ADAM32: variants seen among roughly 807,000 people sequenced by gnomAD.
ADAM32 encodes disintegrin and metalloproteinase domain-containing protein 32.
A neutral mutation model predicts 114.9 loss-of-function variants in ADAM32; 89 were observed. That is an observed-to-expected ratio of 0.77 (90% CI 0.65 to 0.92). The LOEUF (loss-of-function observed/expected upper bound fraction) is 0.92, where lower values mean the gene tolerates loss of function less well. Among genes scored for constraint, ADAM32 ranks in the 40% least tolerant of loss-of-function variants. ADAM32 has a pLI of 0.00. For synonymous variants in ADAM32, 285 were observed against 307.5 expected, an observed-to-expected ratio of 0.93 and a Z score of 0.77; for missense variants, 870 against 932.8, an observed-to-expected ratio of 0.93 and a Z score of 0.88.
chr8:39,149,042 G>A (rs1368954496), intron 4 of ADAM32, among the ~76,000 whole-genome samples: 1 of 152,054 alleles, frequency 6.6e-6, no homozygotes, highest in Non-Finnish European at 1.5e-5. Context: ...AAAGTTTTTA[G>A]GTATAGTATT....
chr8:39,201,680 A>C lies in ADAM32; in HGVS notation c.1053-9464A>C, dbSNP rs556573621. Among the ~76,000 whole-genome samples, 85 of 152,254 alleles carry C rather than the reference A, an allele frequency of 5.6e-4. 2 individuals carry two copies. In the South Asian group the frequency reaches 0.016, roughly 29 times the overall value. On this transcript the variant is annotated intron_variant, in intron 11 of 24. Transcript: ENST00000379907. The stretch of plus-strand genomic sequence containing the variant: ...CAACAGTATGTTGAATACGAGTGGT[A>C]AGAGAGGGCATCCCTGTCTTGTGGC...
intron 11 of ADAM32, among the ~76,000 whole-genome samples, chr8:39,189,173 A>G (rs1003453353): frequency 1.3e-5 from 2 of 152,174 alleles, no homozygotes; most frequent in Admixed American, 6.5e-5. Context: ...GTAGATAGGC[A>G]TTATCCCTAT....
At chr8:39,212,173 T>A (rs560700913) in intron 12 of ADAM32, among the ~76,000 whole-genome samples, 1 of 152,142 alleles carries the variant, frequency 6.6e-6, no homozygotes, top group East Asian at 1.9e-4. Context: ...CCTGCCATCA[T>A]GCCTGGCTAA....
At chr8:39,189,449 G>C (rs1345651904) in intron 11 of ADAM32, among the ~76,000 whole-genome samples, 1 of 152,072 alleles carries the variant, frequency 6.6e-6, no homozygotes, top group East Asian at 1.9e-4. Context: ...GGGTAAAACT[G>C]TGTCTAAATG....
At chr8:39,156,283 G>T (rs1804145097) in intron 6 of ADAM32, among the ~76,000 whole-genome samples, 2 of 152,050 alleles carry the variant, frequency 1.3e-5, no homozygotes. Context: ...AATTAGCTGG[G>T]ACCACAGGCA....
At chr8:39,283,501 GAAATTGCCATAAC>G in intron 23 of ADAM32, 72 bp from the exon 24 acceptor site, 1 of 1,046,234 alleles carries the variant, frequency 9.6e-7, no homozygotes, top group Non-Finnish European at 1.3e-6. Context: ...GAAAGAGGAA[GAAATTGCCATAAC>G]AAATAAATAC....
chr8:39,272,428 T>C (rs1375203509), intron 20 of ADAM32, among the ~76,000 whole-genome samples: 2 of 152,184 alleles, frequency 1.3e-5, no homozygotes, highest in Non-Finnish European at 2.9e-5. Context: ...CAGAGTGTAC[T>C]TAAAAAAACC....
intron 19 of ADAM32, among the ~76,000 whole-genome samples, chr8:39,264,601 G>C (rs1359022707): frequency 6.6e-6 from 1 of 152,012 alleles, no homozygotes; most frequent in African/African-American, 2.4e-5. Flanking sequence ...TTTGGGGTTG[G>C]TTTGCTCTTG....
At chr8:39,124,898 C>T (rs1171541284) in intron 2 of ADAM32, among the ~76,000 whole-genome samples, 1 of 152,096 alleles carries the variant, frequency 6.6e-6, no homozygotes, top group Non-Finnish European at 1.5e-5. Flanking sequence ...GTATTTCTGC[C>T]TCTAGGTCTT....
Position 39,211,279 on chromosome 8 carries a change from T to C in ADAM32, c.1188T>C (p.Asn396=). ...AATCTCCGAAACCAGTCTGTGGCAA[T>C]GGCAGATTGGAGGGAAATGAAATCT... ...QKKSPKPVCG[N]GRLEGNEICD... The change falls in exon 12 of 25, where the codon AAT becomes AAC. Residue 396 remains asparagine, a synonymous_variant. Coordinates refer to ENST00000379907, the MANE Select transcript of ADAM32 (RefSeq NM_145004.7). 6.3e-7 allele frequency: 1 copy of C among 1,592,206 alleles called. No individual in the cohort carries two copies. The highest frequency in any genetic ancestry group is 1.1e-5 in the South Asian group (1 of 87,068).
chr8:39,283,741 C>T (rs1195571116), intron 24 of ADAM32, 117 bp downstream of exon 24: 10 of 635,680 alleles, frequency 1.6e-5, no homozygotes, highest in South Asian at 3.1e-5. Flanking sequence ...TAAAGTACTG[C>T]ACCAATAAAT....
chr8:39,263,558 G>C (rs543868379), intron 19 of ADAM32, among the ~76,000 whole-genome samples: 1 of 152,012 alleles, frequency 6.6e-6, no homozygotes, highest in Non-Finnish European at 1.5e-5. Flanking sequence ...GATTGGAATA[G>C]GGCTTTTAAA....
chr8:39,165,066 T>C lies in ADAM32; in HGVS notation c.703T>C (p.Ser235Pro). 1 of 1,609,108 alleles carries C rather than the reference T, an allele frequency of 6.2e-7. No individual in the cohort carries two copies. Among genetic ancestry groups the C allele is most frequent in the Non-Finnish European group, 8.5e-7 (1 of 1,177,732 alleles). ...ATTTAAAGTTACTATTGTGCTGTCA[T>C]CATTGGAGTTATGGTCAGATGAAAA... ...TQFKVTIVLS[S>P]LELWSDENKI... Residue 235 changes from serine to proline, a missense_variant, in exon 9 of 25, where the codon TCA becomes CCA. Transcript: ENST00000379907.
At chr8:39,282,706 G>C (rs1813495289) in intron 23 of ADAM32, among the ~76,000 whole-genome samples, 1 of 152,100 alleles carries the variant, frequency 6.6e-6, no homozygotes, top group South Asian at 2.1e-4. Flanking sequence ...TGTTGCCGTT[G>C]GGAAGCCAGT....
chr8:39,151,641 T>G (rs574236935), intron 6 of ADAM32, 93 bp downstream of exon 6: 66 of 914,542 alleles, frequency 7.2e-5, no homozygotes, highest in Non-Finnish European at 9.3e-5. Flanking sequence ...ACTGTAGAAT[T>G]GTAGCAAATA....
At chr8:39,157,564 G>T in intron 6 of ADAM32, 1 of 520,042 alleles carries the variant, frequency 1.9e-6, no homozygotes, top group Non-Finnish European at 3.7e-6. Context: ...TTTGCAATCT[G>T]GTCTTTCTTG....
intron 1 of ADAM32, among the ~76,000 whole-genome samples, chr8:39,113,163 G>C (rs576197397): frequency 1.3e-5 from 2 of 152,140 alleles, no homozygotes; most frequent in Admixed American, 1.3e-4. Flanking sequence ...AGACTAGGAC[G>C]ATAAGAGGAT....
chr8:39,200,634 C>A (rs1462282268), intron 11 of ADAM32, among the ~76,000 whole-genome samples: 5 of 152,152 alleles, frequency 3.3e-5, no homozygotes, highest in Non-Finnish European at 7.3e-5. Flanking sequence ...TTAATTAGAT[C>A]CCATTTGTCA....
At chr8:39,250,295 A>G (rs1811206998) in intron 17 of ADAM32, among the ~76,000 whole-genome samples, 1 of 148,176 alleles carries the variant, frequency 6.7e-6, no homozygotes, top group Non-Finnish European at 1.5e-5. Flanking sequence ...TTTTAGTTTT[A>G]GAAGTTTCTA....
Sources: allele counts gnomAD v4.1 joint callset (sites outside exome capture counted in the v4.1 genomes callset), GRCh38; gene constraint gnomAD v4.1.1; transcripts MANE v1.5; gene names NCBI Gene and HGNC (gene_info 2026-07-23, HGNC 2026-07-21).